DDX60L: variants seen among roughly 807,000 people sequenced by gnomAD.
DDX60L encodes the protein DExD/H-box 60 like, also known as probable ATP-dependent RNA helicase DDX60-like.
DDX60L carries 191 observed loss-of-function variants against 211.6 expected under a neutral mutation model. The observed-to-expected ratio is 0.90, with a 90% CI of 0.80 to 1.02. The LOEUF (loss-of-function observed/expected upper bound fraction) is 1.02. Among genes scored for constraint, DDX60L ranks in the 50% least tolerant of loss-of-function variants. The probability of loss-of-function intolerance (pLI) is 0.00; values close to 1 mark genes in which losing one functional copy is unlikely to be tolerated. For missense variants in DDX60L, 2,007 were observed against 1,984.1 expected (o/e 1.01, Z -0.22); for synonymous variants, 706 against 694.1 (o/e 1.02, Z -0.27).
intron 9 of DDX60L, 61 bp from the exon 10 acceptor site, chr4:168,441,553 G>A (rs1031505142): frequency 3.0e-6 from 4 of 1,355,376 alleles, no homozygotes; most frequent in Admixed American, 4.6e-5. Flanking sequence ...CACACACAGA[G>A]CATCTTTTTT....
intron 3 of DDX60L, 129 bp downstream of exon 3, chr4:168,472,326 C>A (rs1364800555): frequency 1.4e-6 from 1 of 691,972 alleles, no homozygotes; most frequent in African/African-American, 1.8e-5. Context: ...GAGTGCGTTC[C>A]CATCATCTCC....
intron 1 of DDX60L, among the ~76,000 whole-genome samples, chr4:168,476,998 A>C (rs1449810124): frequency 2.0e-5 from 3 of 152,220 alleles, no homozygotes; most frequent in Non-Finnish European, 4.4e-5. Context: ...TGGCCAGGAA[A>C]ATCTGCTTTG....
rs563842468 is a variant in DDX60L, at chr4:168,422,149, T to C, written c.2245-240A>G. On this transcript the variant is annotated intron_variant, in intron 16 of 37. Coordinates refer to ENST00000682922, the MANE Select transcript of DDX60L (RefSeq NM_001012967.3). The stretch of plus-strand genomic sequence containing the variant: ...TTTACATTTTGGCCTAGAGAGAGGG[T>C]TTCATTTCTGCAAAATAGAAAGGGA... Among the ~76,000 whole-genome samples, 12 of 152,226 alleles carry C rather than the reference T, an allele frequency of 7.9e-5. No individual in the cohort carries two copies. In the South Asian group the frequency reaches 1.7e-3, roughly 21 times the overall value.
chr4:168,381,574 A>G (rs1039511871), intron 30 of DDX60L, among the ~76,000 whole-genome samples: 20 of 54,644 alleles, frequency 3.7e-4, no homozygotes, highest in Non-Finnish European at 9.3e-4. Context: ...GATAAACACT[A>G]TCAATTTTTT....
At chr4:168,445,603 T>A (rs572284455) in intron 9 of DDX60L, among the ~76,000 whole-genome samples, 1 of 151,990 alleles carries the variant, frequency 6.6e-6, no homozygotes, top group African/African-American at 2.4e-5. Context: ...CCAATATCCT[T>A]GATGAACATT....
intron 8 of DDX60L, among the ~76,000 whole-genome samples, chr4:168,450,831 T>G (rs1038282097): frequency 2.6e-5 from 4 of 152,088 alleles, no homozygotes; most frequent in Admixed American, 6.6e-5. Flanking sequence ...CACTTGAGCC[T>G]GGGAGGTCGA....
At chr4:168,398,289 C>A (rs903413053) in intron 26 of DDX60L, among the ~76,000 whole-genome samples, 6 of 152,212 alleles carry the variant, frequency 3.9e-5, no homozygotes, top group African/African-American at 1.4e-4. Flanking sequence ...AAGTTGAGGC[C>A]AAGCCTAGGT....
chr4:168,374,731 G>A (rs1158124521), intron 34 of DDX60L, among the ~76,000 whole-genome samples: 1 of 152,218 alleles, frequency 6.6e-6, no homozygotes, highest in East Asian at 1.9e-4. Flanking sequence ...GTAGCTAGCT[G>A]GTGGCTACCA....
chr4:168,433,907 T>C (rs867488633), intron 10 of DDX60L, among the ~76,000 whole-genome samples: 5 of 152,240 alleles, frequency 3.3e-5, no homozygotes, highest in East Asian at 1.9e-4. Context: ...GTTGTACTTA[T>C]ACTAGTTACA....
chr4:168,423,046 A>G (rs1750911509), intron 15 of DDX60L, among the ~76,000 whole-genome samples: 1 of 148,670 alleles, frequency 6.7e-6, no homozygotes, highest in African/African-American at 2.5e-5. Flanking sequence ...GTCTTGAACT[A>G]CTGGGCTCAA....
intron 8 of DDX60L, among the ~76,000 whole-genome samples, chr4:168,449,459 C>T: frequency 1.6e-5 from 1 of 61,036 alleles, no homozygotes; most frequent in Admixed American, 2.7e-4. Flanking sequence ...ACTCTGGGGA[C>T]TGTGGTGGGG....
At chr4:168,464,177 C>T (rs1397340431) in intron 4 of DDX60L, among the ~76,000 whole-genome samples, 1 of 152,092 alleles carries the variant, frequency 6.6e-6, no homozygotes, top group Admixed American at 6.6e-5. Flanking sequence ...GACTTAATGA[C>T]ATTTCTAGAA....
chr4:168,406,575 T>C, intron 23 of DDX60L, 27 bp downstream of exon 23: 1 of 1,503,482 alleles, frequency 6.7e-7, no homozygotes, highest in Non-Finnish European at 9.1e-7. Flanking sequence ...AAAGTTCATT[T>C]TGGTGAATAT....
chr4:168,479,286 C>T (rs557332054), intron 1 of DDX60L, among the ~76,000 whole-genome samples: 1 of 152,254 alleles, frequency 6.6e-6, no homozygotes, highest in Admixed American at 6.5e-5. Flanking sequence ...CATAACTCAC[C>T]CTCATTTATT....
At chr4:168,454,225 T>C (rs1267910626) in intron 7 of DDX60L, among the ~76,000 whole-genome samples, 4 of 152,216 alleles carry the variant, frequency 2.6e-5, no homozygotes, top group African/African-American at 9.6e-5. Context: ...ACTGTTTATC[T>C]TCAAAATTTA....
At chr4:168,422,497 G>C (rs372598565) in intron 16 of DDX60L, 27 bp downstream of exon 16, 26 of 1,591,876 alleles carry the variant, frequency 1.6e-5, no homozygotes, top group Non-Finnish European at 2.2e-5. Context: ...ACACTGATTA[G>C]AAAAGTACAA....
rs12880 is a variant in DDX60L at position 168,357,010 on chromosome 4, G to C, written c.*1137C>G. 0.59 allele frequency: 89,847 copies of C among 151,948 alleles called. 26,918 individuals are homozygous for C. Among genetic ancestry groups the C allele is most frequent in the East Asian group, 0.75 (3,852 of 5,152 alleles). The allele number at this position is 151,948 out of a possible 1,614,324, so 9.4% of individuals were successfully genotyped here. ...CGTATTCATTTATCACAGCAAAAAC[G>C]CACCTTTAAAGGTTTGTTTTTGTTA... On this transcript the variant is annotated 3_prime_UTR_variant, in exon 38 of 38. Coordinates refer to ENST00000682922, the MANE Select transcript of DDX60L (RefSeq NM_001012967.3).
chr4:168,440,070 T>A (rs1753606276), intron 10 of DDX60L, among the ~76,000 whole-genome samples: 1 of 152,102 alleles, frequency 6.6e-6, no homozygotes. Flanking sequence ...TAAAAAAGAC[T>A]AACAATAGGC....
intron 35 of DDX60L, 99 bp from the exon 36 acceptor site, chr4:168,371,862 G>C (rs1006377121): frequency 1.7e-6 from 2 of 1,199,394 alleles, no homozygotes; most frequent in African/African-American, 3.0e-5. Context: ...CTTAAAGTAC[G>C]TTCTGAAGAA....
Sources: gnomAD v4.1 joint callset for allele counts (sites outside exome capture counted in the v4.1 genomes callset) on GRCh38, gnomAD v4.1.1 for gene constraint, MANE v1.5 for transcripts, NCBI Gene and HGNC (gene_info 2026-07-23, HGNC 2026-07-21) for gene names.